Variants in EIF2AK2 observed in about 807,000 individuals in gnomAD.
EIF2AK2 encodes the protein interferon-induced, double-stranded RNA-activated protein kinase.
EIF2AK2 carries 40 observed loss-of-function variants against 70.5 expected under a neutral mutation model. That is an observed-to-expected ratio of 0.57 (90% CI 0.44 to 0.74). EIF2AK2 has a LOEUF of 0.74. Ranked by LOEUF, EIF2AK2 falls within the 30% of genes least tolerant of loss-of-function variation. The pLI is 0.00. For synonymous variants in EIF2AK2, 198 were observed against 220.9 expected (o/e 0.90, Z 0.92); for missense variants, 555 against 644.3 (o/e 0.86, Z 1.50).
chr2:37,119,788 C>T (rs1033615930), intron 13 of EIF2AK2, among the ~76,000 whole-genome samples, 171 bp downstream of exon 13: 1 of 151,706 alleles, frequency 6.6e-6, no homozygotes, highest in Non-Finnish European at 1.5e-5. Flanking sequence ...GACACGGTTT[C>T]ACCATGTTGG....
At chr2:37,152,690 G>A (rs917242302) in intron 1 of EIF2AK2, among the ~76,000 whole-genome samples, 1 of 152,128 alleles carries the variant, frequency 6.6e-6, no homozygotes, top group Non-Finnish European at 1.5e-5. Flanking sequence ...TTTCTTTCAC[G>A]TCCATGATTT....
intron 10 of EIF2AK2, among the ~76,000 whole-genome samples, chr2:37,134,316 A>C (rs947452577): frequency 2.6e-5 from 4 of 152,158 alleles, no homozygotes; most frequent in Non-Finnish European, 5.9e-5. Context: ...CTTTTACAAC[A>C]AGCCTCACTT....
Position 37,105,876 on chromosome 2 carries a change from T to C in EIF2AK2, c.*1397A>G, listed in dbSNP as rs1440636890. The C allele has an allele frequency of 1.3e-5, 2 of 152,256 alleles. No individual in the cohort carries two copies. The highest frequency in any genetic ancestry group is 2.4e-5 in the African/African-American group (1 of 41,478). 9.4% of individuals were successfully genotyped at this position (152,256 alleles called of 1,614,324 possible). On this transcript the variant is annotated 3_prime_UTR_variant, in exon 17 of 17. Coordinates refer to ENST00000233057, the MANE Select transcript of EIF2AK2 (RefSeq NM_001135651.3). Reference sequence around the variant, plus strand: ...GGAAGGCCCACTGGGCTGTCACTTCTAGCCCTGTGCTCAGCAGAAAGCCAT... The same window carrying C: ...GGAAGGCCCACTGGGCTGTCACTTCCAGCCCTGTGCTCAGCAGAAAGCCAT...
At chr2:37,116,144 TC>T (rs1330128324) in intron 13 of EIF2AK2, among the ~76,000 whole-genome samples, 1 of 152,042 alleles carries the variant, frequency 6.6e-6, no homozygotes, top group Non-Finnish European at 1.5e-5. Context: ...AGCAATCTGC[TC>T]ACCTCAGCCT....
chr2:37,148,921 G>C lies in EIF2AK2; in HGVS notation c.-81C>G, dbSNP rs952220051. On this transcript the variant is annotated 5_prime_UTR_variant, in exon 2 of 17. Coordinates refer to ENST00000233057, the MANE Select transcript of EIF2AK2 (RefSeq NM_001135651.3). Reference sequence around the variant, plus strand: ...CGGAAGTGTGGATGTTGATTCTGAAGACCGCCAGAGAAGCAAACCTGAGTC... The same window carrying C: ...CGGAAGTGTGGATGTTGATTCTGAACACCGCCAGAGAAGCAAACCTGAGTC... 1.1e-5 allele frequency: 9 copies of C among 819,658 alleles called. No homozygotes were observed. Among genetic ancestry groups the C allele is most frequent in the Non-Finnish European group, 2.0e-5 (9 of 455,258 alleles). The allele number at this position is 819,658 out of a possible 1,614,324, so 50.8% of individuals were successfully genotyped here.
chr2:37,126,558 G>C (rs750063720), intron 10 of EIF2AK2, 147 bp from the exon 11 acceptor site: 15 of 1,260,922 alleles, frequency 1.2e-5, no homozygotes, highest in Non-Finnish European at 1.6e-5. Context: ...AGATCCACTT[G>C]GCAGAAACTC....
At chr2:37,146,735 C>A in intron 4 of EIF2AK2, 118 bp downstream of exon 4, 2 of 1,317,956 alleles carry the variant, frequency 1.5e-6, no homozygotes, top group Non-Finnish European at 1.0e-6. Flanking sequence ...TAACCAAACT[C>A]TTGAATGTAA....
rs759814370 is a variant in EIF2AK2, at chr2:37,147,705, T to G, written c.102A>C (p.Gly34=). 6.2e-7 allele frequency: 1 copy of G among 1,611,948 alleles called. No homozygotes were observed. The highest frequency in any genetic ancestry group is 1.7e-5 in the Admixed American group (1 of 59,926). Residue 34 remains glycine (G), a synonymous_variant, in exon 3 of 17, where the codon GGA becomes GGC. Transcript: ENST00000233057. ...VLKYQELPNS[G]PPHDRRFTFQ... ...CAACCTACCTCCTATCATGTGGAGG[T>G]CCTGAATTAGGCAGTTCTTGATATT...
intron 4 of EIF2AK2, among the ~76,000 whole-genome samples, chr2:37,144,006 G>T (rs1675434833): frequency 6.6e-6 from 1 of 152,160 alleles, no homozygotes; most frequent in Non-Finnish European, 1.5e-5. Context: ...TCACATTTTG[G>T]TCAACAATGG....
At chr2:37,143,757 G>T (rs1675425628) in intron 4 of EIF2AK2, among the ~76,000 whole-genome samples, 1 of 151,996 alleles carries the variant, frequency 6.6e-6, no homozygotes, top group African/African-American at 2.4e-5. Flanking sequence ...GGTGGCTCGT[G>T]CCTGTAGTCC....
Position 37,106,464 on chromosome 2 carries a change from C to T in EIF2AK2, c.*809G>A, listed in dbSNP as rs1253072651. On this transcript the variant is annotated 3_prime_UTR_variant, in exon 17 of 17. Transcript: ENST00000233057. ...TTATAAACAGGGTTTTATGGACATT[C>T]TTGTAAGCACGTATGTAGGAATAGA... 1 of 151,240 alleles carries T rather than the reference C, an allele frequency of 6.6e-6. No homozygotes were observed. The highest frequency in any genetic ancestry group is 1.9e-4 in the East Asian group (1 of 5,164). 9.4% of individuals were successfully genotyped at this position (151,240 alleles called of 1,614,324 possible).
chr2:37,146,751 C>T (rs965182825), intron 4 of EIF2AK2, 102 bp downstream of exon 4: 28 of 1,396,922 alleles, frequency 2.0e-5, no homozygotes, highest in Non-Finnish European at 2.4e-5. Flanking sequence ...TGTAAGGGAA[C>T]GTGTGAATGG....
chr2:37,141,438 C>A, intron 5 of EIF2AK2, 115 bp downstream of exon 5: 1 of 1,246,280 alleles, frequency 8.0e-7, no homozygotes, highest in Non-Finnish European at 1.1e-6. Context: ...CATGTAAAAC[C>A]TTGCATACAG....
chr2:37,140,271 T>A (rs1264330375), intron 5 of EIF2AK2, among the ~76,000 whole-genome samples: 3 of 152,076 alleles, frequency 2.0e-5, no homozygotes, highest in African/African-American at 7.2e-5. Flanking sequence ...TTTGAGAAAA[T>A]CCCCACAGTG....
chr2:37,138,524 A>G lies in EIF2AK2; in HGVS notation c.578T>C (p.Leu193Ser), dbSNP rs781160902. ...CTACACTTACAGTGTGCTGGTCACT[A>G]AAGAGTTGCTTTGGGACTCACACGT... ...ATTCESQSNS[L>S]VTSTLASESS... Residue 193 changes from leucine (L) to serine (S), a missense_variant, in exon 7 of 17, where the codon TTA (leucine) becomes TCA (serine). Physicochemically the swap from Leu to Ser is moderately radical, Grantham distance 145. Around this residue, in one of 3 missense-constraint regions of EIF2AK2, gnomAD observed 208 missense variants for 191.8 expected, o/e 1.08. Coordinates refer to ENST00000233057, the MANE Select transcript of EIF2AK2 (RefSeq NM_001135651.3). 10 of 1,614,044 alleles carry G rather than the reference A, an allele frequency of 6.2e-6. No individual in the cohort carries two copies. Among genetic ancestry groups the G allele is most frequent in the South Asian group, 1.1e-5 (1 of 91,084 alleles).
chr2:37,137,141 T>C, intron 8 of EIF2AK2, 124 bp from the exon 9 acceptor site: 2 of 702,860 alleles, frequency 2.8e-6, no homozygotes, highest in East Asian at 3.0e-5. Flanking sequence ...TCAATGTCTG[T>C]ACTCTCATCA....
chr2:37,138,476 T>C, intron 7 of EIF2AK2, 33 bp downstream of exon 7: 1 of 1,609,846 alleles, frequency 6.2e-7, no homozygotes, highest in Non-Finnish European at 8.5e-7. Context: ...AATATGAATA[T>C]GTTAAGTATC....
intron 14 of EIF2AK2, among the ~76,000 whole-genome samples, chr2:37,111,492 C>T (rs539126662): frequency 9.9e-4 from 150 of 150,952 alleles, no homozygotes; most frequent in African/African-American, 3.1e-3. Context: ...CTCCACCTCC[C>T]GGGTTCAAGC....
chr2:37,139,336 C>T (rs1167941464), intron 6 of EIF2AK2, among the ~76,000 whole-genome samples: 2 of 150,260 alleles, frequency 1.3e-5, no homozygotes, highest in African/African-American at 2.4e-5. Context: ...AAAAAAAACT[C>T]CTGAACTCAG....
Sources: gnomAD v4.1 joint callset for allele counts (sites outside exome capture counted in the v4.1 genomes callset) on GRCh38, gnomAD v4.1.1 for gene constraint, gnomAD v4.1.1 regional missense constraint, MANE v1.5 for transcripts, NCBI Gene and HGNC (gene_info 2026-07-23, HGNC 2026-07-21) for gene names.